Variants in XKR6 observed in about 807,000 individuals in gnomAD.
XKR6 encodes XK related 6.
XKR6 carries 22 observed loss-of-function variants against 56.7 expected under a neutral mutation model. The ratio of observed to expected loss-of-function variants is 0.39; its 90% CI spans 0.28 to 0.55. The LOEUF (loss-of-function observed/expected upper bound fraction) is 0.55, where lower values mean the gene tolerates loss of function less well. Among genes scored for constraint, XKR6 ranks in the 20% least tolerant of loss-of-function variants. The pLI, the probability that XKR6 is intolerant of heterozygous loss-of-function variation, is 0.66. For synonymous variants in XKR6, 524 were observed against 387.8 expected, an observed-to-expected ratio of 1.35 and a Z score of -4.13; for missense variants, 852 against 889.0, an observed-to-expected ratio of 0.96 and a Z score of 0.53.
chr8:11,126,766 G>A (rs1799819480), intron 1 of XKR6, among the ~76,000 whole-genome samples: 1 of 152,118 alleles, frequency 6.6e-6, no homozygotes. Context: ...ACTCGACAAT[G>A]TTAAGTGAAA....
At chr8:11,151,834 G>A (rs558105926) in intron 1 of XKR6, among the ~76,000 whole-genome samples, 3 of 152,152 alleles carry the variant, frequency 2.0e-5, no homozygotes, top group East Asian at 3.9e-4. Context: ...CCATCAGCAA[G>A]GGGAAGAACA....
intron 1 of XKR6, among the ~76,000 whole-genome samples, chr8:10,988,904 T>C (rs1275801055): frequency 6.6e-6 from 1 of 152,220 alleles, no homozygotes; most frequent in Non-Finnish European, 1.5e-5. Flanking sequence ...CGTTTCTTGA[T>C]GACCCAAAGT....
At chr8:11,174,654 G>C (rs547457855) in intron 1 of XKR6, among the ~76,000 whole-genome samples, 2 of 152,210 alleles carry the variant, frequency 1.3e-5, no homozygotes, top group Non-Finnish European at 2.9e-5. Flanking sequence ...GTTACAAAGA[G>C]CACCAAGTGT....
chr8:10,977,973 A>C (rs1287713727), intron 1 of XKR6, among the ~76,000 whole-genome samples: 1 of 152,296 alleles, frequency 6.6e-6, no homozygotes, highest in South Asian at 2.1e-4. Flanking sequence ...TGTCACCCAC[A>C]TGTCTCCAGC....
intron 1 of XKR6, among the ~76,000 whole-genome samples, chr8:11,133,909 A>G (rs1800246415): frequency 6.6e-6 from 1 of 151,664 alleles, no homozygotes; most frequent in Non-Finnish European, 1.5e-5. Context: ...AATAAAGTCT[A>G]AACCCCACAA....
chr8:10,945,415 T>C (rs1586337379), intron 1 of XKR6, among the ~76,000 whole-genome samples: 1 of 151,368 alleles, frequency 6.6e-6, no homozygotes, highest in Non-Finnish European at 1.5e-5. Context: ...ACTCGGGAGG[T>C]GGAAGTTGGA....
intron 1 of XKR6, among the ~76,000 whole-genome samples, chr8:11,158,349 C>T (rs751503360): frequency 5.3e-5 from 8 of 152,094 alleles, no homozygotes; most frequent in Non-Finnish European, 7.4e-5. Flanking sequence ...ACTGAGTGTA[C>T]CAGAGAAAGA....
At chr8:11,169,880 G>C (rs1470421476) in intron 1 of XKR6, among the ~76,000 whole-genome samples, 2 of 152,040 alleles carry the variant, frequency 1.3e-5, no homozygotes, top group Non-Finnish European at 2.9e-5. Flanking sequence ...GATTAAAATG[G>C]TATATTTTGT....
intron 2 of XKR6, among the ~76,000 whole-genome samples, chr8:10,917,296 G>A (rs547753256): frequency 1.6e-4 from 24 of 152,220 alleles, no homozygotes; most frequent in South Asian, 1.0e-3. Context: ...TCTGTGCTTC[G>A]GCTTCCCTGT....
intron 1 of XKR6, among the ~76,000 whole-genome samples, chr8:11,174,580 G>T (rs888325351): frequency 1.3e-5 from 2 of 152,158 alleles, no homozygotes; most frequent in Non-Finnish European, 2.9e-5. Context: ...GTAATTATTA[G>T]AAGATTATTA....
intron 1 of XKR6, among the ~76,000 whole-genome samples, chr8:10,945,364 A>G (rs1485429969): frequency 1.3e-5 from 2 of 152,110 alleles, no homozygotes; most frequent in South Asian, 2.1e-4. Flanking sequence ...CACACTTACA[A>G]TCCCAGCTAA....
chr8:11,179,257 G>A (rs573538243), intron 1 of XKR6, among the ~76,000 whole-genome samples: 88 of 152,220 alleles, frequency 5.8e-4, no homozygotes, highest in African/African-American at 2.0e-3. Context: ...CCCACTGCAA[G>A]GTGGACAGCT....
At chr8:11,146,245 G>A (rs930799675) in intron 1 of XKR6, among the ~76,000 whole-genome samples, 25 of 152,188 alleles carry the variant, frequency 1.6e-4, no homozygotes, top group African/African-American at 5.8e-4. Context: ...TTATAAAACA[G>A]GTAGAAGAAA....
chr8:11,192,710 T>C (rs944016803), intron 1 of XKR6, among the ~76,000 whole-genome samples: 1 of 152,112 alleles, frequency 6.6e-6, no homozygotes, highest in African/African-American at 2.4e-5. Flanking sequence ...ATAATAAAAA[T>C]TGAGCAAAAA....
chr8:11,167,683 T>G (rs57750289), intron 1 of XKR6, among the ~76,000 whole-genome samples: 3,684 of 152,272 alleles, frequency 0.024, 169 homozygotes, highest in African/African-American at 0.082. Context: ...TTTTTCACCT[T>G]AGGCTAAATA....
intron 1 of XKR6, among the ~76,000 whole-genome samples, chr8:11,141,338 G>A (rs555336649): frequency 3.7e-4 from 56 of 152,268 alleles, no homozygotes; most frequent in African/African-American, 1.3e-3. Flanking sequence ...CTGGGAGGCA[G>A]GATCCTTGGG....
intron 1 of XKR6, among the ~76,000 whole-genome samples, chr8:10,948,020 G>C (rs1801603387): frequency 6.6e-6 from 1 of 152,108 alleles, no homozygotes; most frequent in African/African-American, 2.4e-5. Flanking sequence ...TGCAGGGTGG[G>C]TTAGGGGAGA....
rs1414416062 is a variant in XKR6, at chr8:10,898,650, T to C, written c.1228A>G (p.Met410Val). 3 of 1,614,138 alleles carry C rather than the reference T, an allele frequency of 1.9e-6. No individual in the cohort carries two copies. Among genetic ancestry groups the C allele is most frequent in the African/African-American group, 1.3e-5 (1 of 75,022 alleles). The change falls in exon 3 of 3, where the codon ATG (methionine) becomes GTG (valine). Residue 410 changes from methionine (M) to valine (V), a missense_variant. Coordinates refer to ENST00000416569, the MANE Select transcript of XKR6 (RefSeq NM_173683.4). This position sits in a 1 kb window ranked among gnomAD's most constrained non-coding sequence, Gnocchi z 6.6. ...WIIHGGTDFC[M>V]SKWEEILFNM... ...AAGAGGATCTCCTCCCACTTGGACA[T>C]GCAGAAGTCTGTTCCGCCATGGATG...
Position 10,930,898 on chromosome 8 carries a change from A to G in XKR6, c.765-6068T>C, listed in dbSNP as rs555741850. On this transcript the variant is annotated intron_variant, in intron 1 of 2. Transcript: ENST00000416569. ...TATGATGTCTACACACACCACTCCT[A>G]TTCAACATCATACTAGAAGTCCTGT... 8.5e-5 allele frequency among the ~76,000 whole-genome samples: 13 copies of G among 152,362 alleles called. 1 individual carries two copies. In the South Asian group the frequency reaches 2.3e-3, roughly 27 times the overall value.
Sources: gnomAD v4.1 joint callset for allele counts (sites outside exome capture counted in the v4.1 genomes callset) on GRCh38, gnomAD v4.1.1 for gene constraint, Gnocchi (gnomAD v3.1) non-coding constraint, MANE v1.5 for transcripts, NCBI Gene and HGNC (gene_info 2026-07-23, HGNC 2026-07-21) for gene names.